The following DAB1 variants were observed in gnomAD, a reference collection of about 807,000 sequenced individuals.
The protein encoded by DAB1 is disabled homolog 1.
A neutral mutation model predicts 64.6 loss-of-function variants in DAB1; 15 were observed. That is an observed-to-expected ratio of 0.23 (90% confidence interval 0.16 to 0.36). The LOEUF (loss-of-function observed/expected upper bound fraction) is 0.36. Ranked by LOEUF, DAB1 falls within the 10% of genes least tolerant of loss-of-function variation. The pLI, the probability that DAB1 is intolerant of heterozygous loss-of-function variation, is 1.00. For synonymous variants in DAB1, 235 were observed against 251.9 expected, an observed-to-expected ratio of 0.93 and a Z score of 0.64; for missense variants, 596 against 706.7, an observed-to-expected ratio of 0.84 and a Z score of 1.78.
chr1:58,142,549 A>T (rs1328000618), intron 5 of DAB1, among the ~76,000 whole-genome samples: 3 of 152,244 alleles, frequency 2.0e-5, no homozygotes, highest in Non-Finnish European at 2.9e-5. Context: ...CCTAAATCAG[A>T]GCTTTTAAAT....
chr1:57,222,095 T>G (rs991208164), intron 2 of DAB1, among the ~76,000 whole-genome samples: 7 of 152,118 alleles, frequency 4.6e-5, no homozygotes, highest in African/African-American at 1.7e-4. Flanking sequence ...AAAATATTAT[T>G]ATTGTTGTTA....
intron 8 of DAB1, among the ~76,000 whole-genome samples, chr1:57,066,194 G>C (rs1650894155): frequency 6.6e-6 from 1 of 152,092 alleles, no homozygotes; most frequent in Non-Finnish European, 1.5e-5. Context: ...ATGACCATGT[G>C]GAAAGCTGAA....
chr1:58,074,570 A>ATATATATGTG (rs1184897395), intron 5 of DAB1: 10 of 117,330 alleles, frequency 8.5e-5, no homozygotes, highest in African/African-American at 3.1e-4. Flanking sequence ...GTGTGTATAT[A>ATATATATGTG]TATATATATA....
At chr1:58,373,916 T>G (rs1009395675) in intron 3 of DAB1, among the ~76,000 whole-genome samples, 42 of 150,558 alleles carry the variant, frequency 2.8e-4, no homozygotes, top group African/African-American at 9.8e-4. Flanking sequence ...GATTTGCATT[T>G]CTCTGATGGC....
Position 57,637,958 on chromosome 1 carries a change from C to G in DAB1, n.625+11634G>C, listed in dbSNP as rs572451229. ...CAATGGAATATTATTCAGTTGTTTA[C>G]AATGATTGTTACTGAGAGTATTTGG... On this transcript the variant is annotated intron_variant and non_coding_transcript_variant, in intron 7 of 20. Coordinates refer to the DAB1 transcript ENST00000485760. Among the ~76,000 whole-genome samples, 11 of 152,186 alleles carry G rather than the reference C, an allele frequency of 7.2e-5. No homozygotes were observed. In the South Asian group the frequency reaches 2.1e-3, roughly 29 times the overall value.
At chr1:57,956,158 C>T (rs1451511035) in intron 5 of DAB1, among the ~76,000 whole-genome samples, 1 of 152,138 alleles carries the variant, frequency 6.6e-6, no homozygotes, top group Non-Finnish European at 1.5e-5. Flanking sequence ...ATTTATAGAT[C>T]ATCAGATATA....
intron 6 of DAB1, among the ~76,000 whole-genome samples, chr1:57,720,615 G>T (rs1007606414): frequency 6.6e-6 from 1 of 152,152 alleles, no homozygotes; most frequent in Non-Finnish European, 1.5e-5. Flanking sequence ...TGTAAAATGG[G>T]GATATCAATA....
chr1:58,249,304 C>T (rs1392331550), intron 4 of DAB1, among the ~76,000 whole-genome samples: 1 of 151,992 alleles, frequency 6.6e-6, no homozygotes, highest in African/African-American at 2.4e-5. Flanking sequence ...CTTTTCGGAA[C>T]AGCTCCCCCC....
intron 1 of DAB1, among the ~76,000 whole-genome samples, chr1:57,848,671 G>A (rs1653392018): frequency 6.6e-6 from 1 of 152,184 alleles, no homozygotes; most frequent in South Asian, 2.1e-4. Flanking sequence ...AAGTGATCAG[G>A]AATGTCCAAG....
At chr1:57,881,681 A>C (rs894678805) in intron 1 of DAB1, among the ~76,000 whole-genome samples, 1 of 152,210 alleles carries the variant, frequency 6.6e-6, no homozygotes, top group African/African-American at 2.4e-5. Context: ...CCAAGATTCT[A>C]GAATTCCACA....
chr1:57,055,224 A>G (rs1570604382), intron 9 of DAB1, among the ~76,000 whole-genome samples: 2 of 152,312 alleles, frequency 1.3e-5, no homozygotes, highest in African/African-American at 4.8e-5. Flanking sequence ...GATGAAATGT[A>G]TATTTCTAGG....
At chr1:57,366,563 AG>A (rs1199575817) in intron 1 of DAB1, among the ~76,000 whole-genome samples, 1 of 152,254 alleles carries the variant, frequency 6.6e-6, no homozygotes, top group Non-Finnish European at 1.5e-5. Flanking sequence ...CACACATGGC[AG>A]TGGCTTACTA....
At chr1:57,081,967 A>C (rs1351687505) in intron 4 of DAB1, among the ~76,000 whole-genome samples, 1 of 152,202 alleles carries the variant, frequency 6.6e-6, no homozygotes, top group Non-Finnish European at 1.5e-5. Context: ...TGAATTAGAA[A>C]TGTCAATACA....
At chr1:57,090,716 A>G (rs1201004786) in intron 4 of DAB1, among the ~76,000 whole-genome samples, 2 of 152,156 alleles carry the variant, frequency 1.3e-5, no homozygotes, top group Non-Finnish European at 2.9e-5. Flanking sequence ...ATTGCTTATT[A>G]TACATTTCCT....
At chr1:57,269,432 C>G (rs1464180805) in intron 2 of DAB1, among the ~76,000 whole-genome samples, 2 of 152,066 alleles carry the variant, frequency 1.3e-5, no homozygotes, top group Admixed American at 6.6e-5. Flanking sequence ...TCAAGCAAGA[C>G]ATTCATACTC....
chr1:58,461,971 G>C (rs567899638), intron 3 of DAB1, among the ~76,000 whole-genome samples: 3 of 152,282 alleles, frequency 2.0e-5, no homozygotes, highest in Non-Finnish European at 2.9e-5. Flanking sequence ...GCTCTCCCTT[G>C]TATGCTACAG....
chr1:57,983,459 GA>G (rs1285667883), intron 5 of DAB1, among the ~76,000 whole-genome samples: 2 of 152,170 alleles, frequency 1.3e-5, no homozygotes, highest in Admixed American at 1.3e-4. Flanking sequence ...TCACTGGGCA[GA>G]GTAGAAGAGG....
intron 1 of DAB1, chr1:57,876,482 G>A (rs1644049080): frequency 6.6e-6 from 1 of 152,196 alleles, no homozygotes; most frequent in African/African-American, 2.4e-5. Flanking sequence ...ATGATCTGTT[G>A]AGGCTGGCTT....
chr1:57,151,490 T>C (rs900559317), intron 2 of DAB1, among the ~76,000 whole-genome samples: 3 of 151,996 alleles, frequency 2.0e-5, no homozygotes, highest in Admixed American at 2.0e-4. Context: ...GGTTCCTAAA[T>C]CCCTTCCAGT....
Sources: gnomAD v4.1 joint callset for allele counts (sites outside exome capture counted in the v4.1 genomes callset) on GRCh38, gnomAD v4.1.1 for gene constraint, MANE v1.5 for transcripts, NCBI Gene and HGNC (gene_info 2026-07-23, HGNC 2026-07-21) for gene names.